ZFHX3: variants seen among roughly 807,000 people sequenced by gnomAD.
ZFHX3 encodes the protein zinc finger homeobox 3.
In ZFHX3, 42 loss-of-function variants were observed where a neutral mutation model predicts 279.1. The ratio of observed to expected loss-of-function variants is 0.15; its 90% confidence interval spans 0.12 to 0.19. The LOEUF (loss-of-function observed/expected upper bound fraction) is 0.19, where lower values mean the gene tolerates loss of function less well. ZFHX3 is among the 10% of genes least tolerant of loss of function. The pLI is 1.00. For missense variants in ZFHX3, 4,981 were observed against 4,754.0 expected, an observed-to-expected ratio of 1.05 and a Z score of -1.40; for synonymous variants, 2,293 against 1,957.8, an observed-to-expected ratio of 1.17 and a Z score of -4.52.
intron 2 of ZFHX3, among the ~76,000 whole-genome samples, chr16:73,664,684 T>A (rs544516986): frequency 7.9e-5 from 12 of 152,236 alleles, no homozygotes; most frequent in African/African-American, 2.6e-4. Context: ...TCCATTAAGA[T>A]GAGATACAGC....
At chr16:73,655,570 A>G (rs1306046406) in intron 2 of ZFHX3, among the ~76,000 whole-genome samples, 1 of 152,230 alleles carries the variant, frequency 6.6e-6, no homozygotes, top group Non-Finnish European at 1.5e-5. Flanking sequence ...CAAAAAATTT[A>G]TTCCAAAATT....
chr16:73,049,651 T>G (rs191535352), upstream of ZFHX3, among the ~76,000 whole-genome samples: 48 of 152,282 alleles, frequency 3.2e-4, no homozygotes, highest in Non-Finnish European at 5.4e-4. Context: ...CAGGGAATCA[T>G]GTCCGATTAG....
intron 1 of ZFHX3, among the ~76,000 whole-genome samples, chr16:73,754,806 A>G (rs2053793642): frequency 6.6e-6 from 1 of 152,146 alleles, no homozygotes; most frequent in Non-Finnish European, 1.5e-5. Context: ...AAATGACACA[A>G]TATATATAAA....
At chr16:73,701,047 C>G (rs1226442924) in intron 1 of ZFHX3, among the ~76,000 whole-genome samples, 2 of 152,158 alleles carry the variant, frequency 1.3e-5, no homozygotes, top group Non-Finnish European at 2.9e-5. Context: ...TATTCTGCAG[C>G]TTCTCTTCTG....
chr16:73,790,160 A>T (rs1194974720), intron 1 of ZFHX3, among the ~76,000 whole-genome samples: 1 of 152,192 alleles, frequency 6.6e-6, no homozygotes, highest in East Asian at 1.9e-4. Context: ...GGTTAAAAAT[A>T]GTAACAAAAA....
Position 72,798,299 on chromosome 16 carries a change from T to C in ZFHX3, c.4383A>G (p.Gln1461=), listed in dbSNP as rs373913106. 3 of 1,614,184 alleles carry C rather than the reference T, an allele frequency of 1.9e-6. No individual in the cohort carries two copies. The highest frequency in any genetic ancestry group is 1.7e-6 in the Non-Finnish European group (2 of 1,180,034). Residue 1461 remains glutamine, a synonymous_variant, in exon 9 of 10, where the codon CAA becomes CAG. Transcript: ENST00000268489. The stretch of plus-strand genomic sequence containing the variant: ...TGGCCAGCAGGCCACCATAAAGCTG[T>C]TGGATGTCAGCCTCACTCAGCTCCA... ...SHLELSEADI[Q]QLYGGLLANG...
At chr16:73,089,813 A>G (rs147726449) in intron 8 of ZFHX3, among the ~76,000 whole-genome samples, 3 of 152,336 alleles carry the variant, frequency 2.0e-5, no homozygotes, top group Middle Eastern at 3.4e-3. Context: ...AGATTCCCCT[A>G]TTAGTGTTCA....
intron 1 of ZFHX3, among the ~76,000 whole-genome samples, chr16:73,720,754 G>A (rs2639305): frequency 0.87 from 132,625 of 152,234 alleles, 57,891 homozygotes; most frequent in Non-Finnish European, 0.9. Flanking sequence ...ATTTTCTACA[G>A]TGAGCCATTT....
chr16:72,927,754 C>G (rs917785567), intron 3 of ZFHX3, among the ~76,000 whole-genome samples: 4 of 152,046 alleles, frequency 2.6e-5, no homozygotes, highest in African/African-American at 9.7e-5. Context: ...CCAGCGCGCT[C>G]TCCCCCACCA....
intron 3 of ZFHX3, among the ~76,000 whole-genome samples, chr16:73,349,364 G>C (rs975117985): frequency 6.6e-5 from 10 of 152,150 alleles, no homozygotes; most frequent in Admixed American, 1.3e-4. Context: ...CTCTAACCAA[G>C]TGCACAGTCA....
intron 3 of ZFHX3, chr16:73,402,436 A>T (rs1484543575): frequency 6.6e-6 from 1 of 152,250 alleles, no homozygotes; most frequent in Non-Finnish European, 1.5e-5. Flanking sequence ...TAACAGTTGA[A>T]TTACTAGAAA....
At chr16:73,723,492 T>C (rs2053493485) in intron 1 of ZFHX3, among the ~76,000 whole-genome samples, 1 of 152,148 alleles carries the variant, frequency 6.6e-6, no homozygotes, top group South Asian at 2.1e-4. Flanking sequence ...CACAATGTAT[T>C]GTTGACATGA....
intron 2 of ZFHX3, among the ~76,000 whole-genome samples, chr16:72,951,220 A>G (rs76696160): frequency 0.024 from 3,673 of 151,728 alleles, 90 homozygotes; most frequent in South Asian, 0.064. Context: ...GGAAAAGAAC[A>G]CCTAGAAAAG....
At chr16:73,517,711 G>A (rs902828380) in intron 2 of ZFHX3, among the ~76,000 whole-genome samples, 17 of 152,160 alleles carry the variant, frequency 1.1e-4, no homozygotes, top group African/African-American at 4.1e-4. Flanking sequence ...ACAGTTATTG[G>A]TAGAGGGAAA....
At chr16:73,870,741 G>A (rs929857146) in intron 1 of ZFHX3, among the ~76,000 whole-genome samples, 1 of 152,126 alleles carries the variant, frequency 6.6e-6, no homozygotes, top group Non-Finnish European at 1.5e-5. Context: ...TTTGTTGTGG[G>A]GCCCGGCGGG....
chr16:73,370,702 T>G (rs1481875559), intron 3 of ZFHX3, among the ~76,000 whole-genome samples: 1 of 152,202 alleles, frequency 6.6e-6, no homozygotes, highest in Non-Finnish European at 1.5e-5. Flanking sequence ...CACGGTGCCA[T>G]GCACAGCTCA....
chr16:73,823,410 A>C (rs1171742069), intron 1 of ZFHX3, among the ~76,000 whole-genome samples: 1 of 152,182 alleles, frequency 6.6e-6, no homozygotes, highest in African/African-American at 2.4e-5. Context: ...TGACAGATGA[A>C]AGGCAACACA....
chr16:72,822,126 TATGTC>T (rs1281985455), intron 5 of ZFHX3: 2 of 152,220 alleles, frequency 1.3e-5, no homozygotes, highest in African/African-American at 2.4e-5. Context: ...TAAAGGTACT[TATGTC>T]ATGCTATTTT....
At chr16:73,210,130 GC>G (rs1364033581) in intron 5 of ZFHX3, among the ~76,000 whole-genome samples, 2 of 152,200 alleles carry the variant, frequency 1.3e-5, no homozygotes, top group Non-Finnish European at 2.9e-5. Context: ...TCAAGACCAT[GC>G]TCAGTTAAGG....
Sources: gnomAD v4.1 joint callset for allele counts (sites outside exome capture counted in the v4.1 genomes callset) on GRCh38, gnomAD v4.1.1 for gene constraint, MANE v1.5 for transcripts, NCBI Gene and HGNC (gene_info 2026-07-23, HGNC 2026-07-21) for gene names.